Variants in UNC13C observed in about 807,000 individuals in gnomAD.
UNC13C encodes protein unc-13 homolog C.
In UNC13C, 174 loss-of-function variants were observed where a neutral mutation model predicts 245.4. The observed-to-expected ratio is 0.71, with a 90% CI of 0.63 to 0.80. The LOEUF (loss-of-function observed/expected upper bound fraction) is 0.80. Ranked by LOEUF, UNC13C falls within the 30% of genes least tolerant of loss-of-function variation. UNC13C has a pLI of 0.00. For synonymous variants in UNC13C, 992 were observed against 895.1 expected, an observed-to-expected ratio of 1.11 and a Z score of -1.93; for missense variants, 2,829 against 2,602.9, an observed-to-expected ratio of 1.09 and a Z score of -1.89.
intron 19 of UNC13C, among the ~76,000 whole-genome samples, chr15:54,460,549 A>G (rs564650188): frequency 6.6e-6 from 1 of 152,176 alleles, no homozygotes; most frequent in Non-Finnish European, 1.5e-5. Flanking sequence ...CTTTCAAGAG[A>G]GCACCAGCTC....
At chr15:54,203,484 GTATATA>G (rs576221587) in intron 4 of UNC13C, among the ~76,000 whole-genome samples, 1 of 139,748 alleles carries the variant, frequency 7.2e-6, no homozygotes, top group Non-Finnish European at 1.6e-5. Flanking sequence ...ATGTGTGTGT[GTATATA>G]TATATATATA....
the UNC13C span, among the ~76,000 whole-genome samples, chr15:53,865,504 A>T: frequency 1.3e-5 from 2 of 152,124 alleles, no homozygotes; most frequent in African/African-American, 4.8e-5. Flanking sequence ...CAGTCATATT[A>T]GATTAGGGCC....
chr15:54,195,392 C>T (rs190295658), intron 4 of UNC13C, among the ~76,000 whole-genome samples: 3 of 152,266 alleles, frequency 2.0e-5, no homozygotes, highest in Admixed American at 2.0e-4. Context: ...GGAACAAAGG[C>T]ATAATGAATA....
chr15:54,568,617 T>C lies in UNC13C; in HGVS notation c.6106+670T>C, dbSNP rs189451827. ...TTATATGCATTTAAGATCTGGCATTTCTAAGAGATTATTGAAAATGTCAGT... is the reference window on the plus strand; with the variant it reads ...TTATATGCATTTAAGATCTGGCATTCCTAAGAGATTATTGAAAATGTCAGT... On this transcript the variant is annotated intron_variant, in intron 30 of 32. Transcript: ENST00000260323. 2.0e-3 allele frequency among the ~76,000 whole-genome samples: 312 copies of C among 152,310 alleles called. 1 individual carries two copies. The highest frequency in any genetic ancestry group is 3.5e-3 in the Non-Finnish European group (236 of 68,014).
rs2038503189 is a variant in UNC13C, at chr15:54,333,824, C to T, written c.4552C>T (p.Leu1518=). Residue 1518 remains leucine, a synonymous_variant, in exon 16 of 33, where the codon CTG becomes TTG. Coordinates refer to ENST00000260323, the MANE Select transcript of UNC13C (RefSeq NM_001080534.3). ...GCAAGACCTGAAATCAACTGTTGAC[C>T]TGTTAACAAGTATCACCTTTTTTAG... The part of the protein sequence containing the change: ...RLQDLKSTVD[L]LTSITFFRMK... 4 of 1,606,016 alleles carry T rather than the reference C, an allele frequency of 2.5e-6. No individual in the cohort carries two copies. The highest frequency in any genetic ancestry group is 2.6e-6 in the Non-Finnish European group (3 of 1,175,820).
intron 4 of UNC13C, among the ~76,000 whole-genome samples, chr15:54,222,507 G>T (rs948584159): frequency 6.6e-6 from 1 of 152,040 alleles, no homozygotes; most frequent in Non-Finnish European, 1.5e-5. Flanking sequence ...TGGACATTTA[G>T]GTTGCTCCTA....
At chr15:54,626,717 A>G in intron 32 of UNC13C, 111 bp from the exon 33 acceptor site, 1 of 1,001,072 alleles carries the variant, frequency 1.0e-6, no homozygotes, top group East Asian at 2.6e-5. Flanking sequence ...CCTATTTGCC[A>G]ACATAATAAT....
intron 25 of UNC13C, among the ~76,000 whole-genome samples, chr15:54,532,495 C>T (rs1895794175): frequency 6.6e-6 from 1 of 152,018 alleles, no homozygotes; most frequent in Admixed American, 6.5e-5. Flanking sequence ...TACTATTCAG[C>T]CAAAAAAAGG....
At chr15:54,163,490 A>G (rs2033052515) in intron 4 of UNC13C, among the ~76,000 whole-genome samples, 1 of 152,102 alleles carries the variant, frequency 6.6e-6, no homozygotes, top group South Asian at 2.1e-4. Flanking sequence ...AATTTTTTAA[A>G]TGTGTCTAAA....
intron 2 of UNC13C, among the ~76,000 whole-genome samples, chr15:54,044,865 A>G (rs867600239): frequency 6.6e-6 from 1 of 151,976 alleles, no homozygotes; most frequent in Non-Finnish European, 1.5e-5. Context: ...CCATTTGTAT[A>G]TCTTCTTTGG....
At chr15:54,267,198 A>G (rs1382198262) in intron 10 of UNC13C, among the ~76,000 whole-genome samples, 1 of 145,488 alleles carries the variant, frequency 6.9e-6, no homozygotes, top group Non-Finnish European at 1.5e-5. Context: ...ATAAATACCT[A>G]GAAGTGGAAT....
the UNC13C span, among the ~76,000 whole-genome samples, chr15:53,957,940 C>T: frequency 3.3e-5 from 5 of 152,026 alleles, no homozygotes; most frequent in Non-Finnish European, 5.9e-5. Context: ...TTAATGATTT[C>T]AACATGGGCT....
At chr15:54,101,651 G>C (rs761509066) in intron 2 of UNC13C, among the ~76,000 whole-genome samples, 6 of 151,724 alleles carry the variant, frequency 4.0e-5, no homozygotes, top group Non-Finnish European at 8.8e-5. Flanking sequence ...CACTATCTCT[G>C]CTCACCGCAA....
At chr15:54,341,794 A>G (rs1271011581) in intron 17 of UNC13C, among the ~76,000 whole-genome samples, 2 of 151,934 alleles carry the variant, frequency 1.3e-5, no homozygotes, top group African/African-American at 4.8e-5. Flanking sequence ...GGCTAACACA[A>G]TGAAACCCCG....
chr15:53,986,616 A>T (rs572499844), intron 1 of UNC13C, among the ~76,000 whole-genome samples: 2 of 152,192 alleles, frequency 1.3e-5, no homozygotes, highest in South Asian at 4.1e-4. Context: ...GGTTTTTAAA[A>T]ATTATACAGT....
At chr15:54,113,349 A>G (rs1282203097) in intron 2 of UNC13C, among the ~76,000 whole-genome samples, 1 of 152,238 alleles carries the variant, frequency 6.6e-6, no homozygotes, top group African/African-American at 2.4e-5. Context: ...AGTAGTGGGA[A>G]AATCAGCATA....
intron 17 of UNC13C, among the ~76,000 whole-genome samples, chr15:54,378,352 A>G (rs536385363): frequency 6.6e-6 from 1 of 152,236 alleles, no homozygotes; most frequent in African/African-American, 2.4e-5. Flanking sequence ...TGCTAGCCAG[A>G]TATGATCTAT....
chr15:54,187,836 G>A (rs2034047126), intron 4 of UNC13C, among the ~76,000 whole-genome samples: 1 of 152,032 alleles, frequency 6.6e-6, no homozygotes, highest in Admixed American at 6.6e-5. Flanking sequence ...TTGAGACAGA[G>A]TTTTGCTCTG....
chr15:54,353,203 A>T (rs1596270148), intron 17 of UNC13C, among the ~76,000 whole-genome samples: 1 of 152,214 alleles, frequency 6.6e-6, no homozygotes, highest in Admixed American at 6.5e-5. Flanking sequence ...CCAGAGAGGT[A>T]GACATTAAAA....
Sources: gnomAD v4.1 joint callset for allele counts (sites outside exome capture counted in the v4.1 genomes callset) on GRCh38, gnomAD v4.1.1 for gene constraint, MANE v1.5 for transcripts, NCBI Gene and HGNC (gene_info 2026-07-23, HGNC 2026-07-21) for gene names.